Variants in SAMD3 observed in about 807,000 individuals in gnomAD.
SAMD3 encodes sterile alpha motif domain-containing protein 3.
SAMD3 carries 63 observed loss-of-function variants against 58.5 expected under a neutral mutation model. The observed-to-expected ratio is 1.08, with a 90% confidence interval of 0.88 to 1.33. The LOEUF (loss-of-function observed/expected upper bound fraction) is 1.33. SAMD3 is among the 40% of genes most tolerant of loss of function. The pLI is 0.00. For missense variants in SAMD3, 604 were observed against 608.4 expected (o/e 0.99, Z 0.08); for synonymous variants, 220 against 210.3 (o/e 1.05, Z -0.40).
chr6:130,296,293 T>C (rs1775567502), intron 2 of SAMD3, among the ~76,000 whole-genome samples: 1 of 151,972 alleles, frequency 6.6e-6, no homozygotes, highest in Non-Finnish European at 1.5e-5. Context: ...GGAGTGCCTA[T>C]GGGAAGGAGC....
At chr6:130,268,426 G>C (rs535553311) in intron 2 of SAMD3, among the ~76,000 whole-genome samples, 2 of 152,190 alleles carry the variant, frequency 1.3e-5, no homozygotes, top group Non-Finnish European at 1.5e-5. Flanking sequence ...AATAATTTTA[G>C]TGTAGCCTAA....
chr6:130,291,127 G>C (rs1244508444), intron 2 of SAMD3, among the ~76,000 whole-genome samples: 1 of 152,172 alleles, frequency 6.6e-6, no homozygotes, highest in African/African-American at 2.4e-5. Context: ...GTCTCACTCT[G>C]TCGCCCAGGC....
At chr6:130,224,728 C>T (rs550444563), upstream of SAMD3, among the ~76,000 whole-genome samples, 194 of 152,068 alleles carry the variant, frequency 1.3e-3, no homozygotes, top group Non-Finnish European at 2.4e-3. Flanking sequence ...AAGCGATTCT[C>T]CTGCCTCAGC....
At chr6:130,214,001 C>A (rs1423750931) in intron 4 of SAMD3, among the ~76,000 whole-genome samples, 3 of 152,082 alleles carry the variant, frequency 2.0e-5, no homozygotes, top group Non-Finnish European at 4.4e-5. Context: ...ATGCCTTTCC[C>A]AAACCCTGAT....
chr6:130,230,829 G>C (rs1189668647), intron 2 of SAMD3, among the ~76,000 whole-genome samples: 1 of 152,160 alleles, frequency 6.6e-6, no homozygotes, highest in Non-Finnish European at 1.5e-5. Context: ...ACATCTTGTA[G>C]TCAACATAAA....
chr6:130,313,251 T>G (rs930970386), intron 1 of SAMD3, among the ~76,000 whole-genome samples: 1 of 152,220 alleles, frequency 6.6e-6, no homozygotes, highest in Admixed American at 6.5e-5. Flanking sequence ...TTTCTTAATG[T>G]TGGCACTATT....
At chr6:130,295,139 T>G (rs1775525010) in intron 2 of SAMD3, among the ~76,000 whole-genome samples, 1 of 152,124 alleles carries the variant, frequency 6.6e-6, no homozygotes, top group Non-Finnish European at 1.5e-5. Flanking sequence ...GTCAGGCTGG[T>G]CTCGAACTCC....
intron 2 of SAMD3, among the ~76,000 whole-genome samples, chr6:130,216,188 G>A (rs1795993699): frequency 6.6e-6 from 1 of 151,880 alleles, no homozygotes; most frequent in Non-Finnish European, 1.5e-5. Flanking sequence ...ATTTCCCTAA[G>A]GAAGCTTATT....
At chr6:130,332,358 G>T (rs1323189265) in intron 1 of SAMD3, among the ~76,000 whole-genome samples, 1 of 152,210 alleles carries the variant, frequency 6.6e-6, no homozygotes, top group Non-Finnish European at 1.5e-5. Flanking sequence ...AGATGGAAAT[G>T]TCAAGAAAGC....
intron 1 of SAMD3, among the ~76,000 whole-genome samples, chr6:130,358,726 TACACAC>T (rs3029958): frequency 0.012 from 1,728 of 144,670 alleles, 16 homozygotes; most frequent in Middle Eastern, 0.025. Flanking sequence ...CACTATGTCT[TACACAC>T]ACACACACAC....
At chr6:130,256,169 A>G (rs150337511) in intron 2 of SAMD3, among the ~76,000 whole-genome samples, 492 of 151,704 alleles carry the variant, frequency 3.2e-3, no homozygotes, top group Non-Finnish European at 4.8e-3. Context: ...CACTGGAAAG[A>G]TAGAAAGGGT....
chr6:130,289,563 G>A (rs371110684), intron 2 of SAMD3, among the ~76,000 whole-genome samples: 45 of 152,208 alleles, frequency 3.0e-4, no homozygotes, highest in South Asian at 6.2e-4. Flanking sequence ...GCAGTGGCAC[G>A]ATCTCGGCTC....
intron 2 of SAMD3, among the ~76,000 whole-genome samples, chr6:130,234,316 T>C (rs1796624317): frequency 6.6e-6 from 1 of 152,178 alleles, no homozygotes; most frequent in Non-Finnish European, 1.5e-5. Context: ...AGTGCAATTA[T>C]TTATTTTTAT....
intron 4 of SAMD3, among the ~76,000 whole-genome samples, chr6:130,210,014 T>G (rs1168918644): frequency 1.3e-5 from 2 of 152,246 alleles, no homozygotes; most frequent in African/African-American, 4.8e-5. Context: ...TTTTATTATC[T>G]GTGAAACCTC....
chr6:130,343,786 G>A (rs1431489129), intron 1 of SAMD3, among the ~76,000 whole-genome samples: 7 of 151,982 alleles, frequency 4.6e-5, no homozygotes, highest in South Asian at 4.1e-4. Context: ...CCAACATGGC[G>A]AAACCCTGTC....
chr6:130,298,383 A>T (rs1196080728), intron 2 of SAMD3, among the ~76,000 whole-genome samples: 1 of 152,204 alleles, frequency 6.6e-6, no homozygotes, highest in East Asian at 1.9e-4. Flanking sequence ...CTCAGAAGAG[A>T]TCTGCACATG....
chr6:130,317,500 C>G (rs146527493), intron 1 of SAMD3, among the ~76,000 whole-genome samples: 1 of 152,046 alleles, frequency 6.6e-6, no homozygotes, highest in Non-Finnish European at 1.5e-5. Context: ...GTGATAAATG[C>G]TGTAATAGGG....
chr6:130,316,121 T>C (rs2114994610), intron 1 of SAMD3, among the ~76,000 whole-genome samples: 1 of 151,884 alleles, frequency 6.6e-6, no homozygotes, highest in South Asian at 2.1e-4. Flanking sequence ...CAAAACCCCA[T>C]CTCTACTAAA....
intron 5 of SAMD3, among the ~76,000 whole-genome samples, chr6:130,202,631 C>A (rs1385403513): frequency 6.6e-6 from 1 of 152,150 alleles, no homozygotes; most frequent in Non-Finnish European, 1.5e-5. Flanking sequence ...AAGAGAAATC[C>A]TGGGTTAAAC....
Sources: gnomAD v4.1 joint callset for allele counts (sites outside exome capture counted in the v4.1 genomes callset) on GRCh38, gnomAD v4.1.1 for gene constraint, MANE v1.5 for transcripts, NCBI Gene and HGNC (gene_info 2026-07-23, HGNC 2026-07-21) for gene names.